The following BEND7 variants were observed in gnomAD, a reference collection of about 807,000 sequenced individuals.
BEND7 encodes BEN domain containing 7.
BEND7 carries 28 observed loss-of-function variants against 50.9 expected under a neutral mutation model. The ratio of observed to expected loss-of-function variants is 0.55; its 90% CI spans 0.41 to 0.75. BEND7 has a LOEUF of 0.75. BEND7 is among the 30% of genes least tolerant of loss of function. The pLI, the probability that BEND7 is intolerant of heterozygous loss-of-function variation, is 0.00. For synonymous variants in BEND7, 170 were observed against 183.9 expected, an observed-to-expected ratio of 0.92 and a Z score of 0.61; for missense variants, 477 against 491.3, an observed-to-expected ratio of 0.97 and a Z score of 0.28.
At chr10:13,493,450 C>T (rs974561463) in intron 4 of BEND7, among the ~76,000 whole-genome samples, 6 of 152,174 alleles carry the variant, frequency 3.9e-5, no homozygotes, top group Non-Finnish European at 8.8e-5. Context: ...TTAATTAGGA[C>T]CAGTGAATCC....
intron 2 of BEND7, among the ~76,000 whole-genome samples, chr10:13,515,746 G>T (rs567276014): frequency 6.6e-6 from 1 of 152,180 alleles, no homozygotes; most frequent in African/African-American, 2.4e-5. Flanking sequence ...GACAATGGAC[G>T]AGGGTGGTGT....
intron 6 of BEND7, among the ~76,000 whole-genome samples, chr10:13,469,750 C>T (rs1198080740): frequency 1.3e-5 from 2 of 152,212 alleles, no homozygotes; most frequent in African/African-American, 4.8e-5. Context: ...GCTGGGATTA[C>T]AGGCATGAGC....
At position 13,528,640 on chromosome 10, in the gene BEND7, C is replaced by T; in HGVS notation, c.-107G>A. On this transcript the variant is annotated 5_prime_UTR_variant, in exon 1 of 9. Coordinates refer to ENST00000466271, the MANE Select transcript of BEND7 (RefSeq NM_001369863.1). ...CGGGCTCGTGTCACCGCGGCGGAGCCGCCGGGACCAAGGTCCGCGCCTGGA... is the reference window on the plus strand; with the variant it reads ...CGGGCTCGTGTCACCGCGGCGGAGCTGCCGGGACCAAGGTCCGCGCCTGGA... The T allele has an allele frequency of 1.9e-6, 1 of 534,056 alleles. No homozygotes were observed. Among genetic ancestry groups the T allele is most frequent in the Non-Finnish European group, 2.4e-6 (1 of 419,846 alleles). The allele number at this position is 534,056 out of a possible 1,614,324, so 33.1% of individuals were successfully genotyped here. A position where few individuals can be genotyped will look rare whatever the true frequency, so the allele number is the denominator to read the frequency against.
chr10:13,511,671 G>A (rs2078282858), intron 2 of BEND7, among the ~76,000 whole-genome samples: 1 of 152,200 alleles, frequency 6.6e-6, no homozygotes, highest in South Asian at 2.1e-4. Flanking sequence ...GAATTTGGAT[G>A]TATTTAAGGG....
intron 3 of BEND7, among the ~76,000 whole-genome samples, chr10:13,497,401 T>C (rs988090021): frequency 6.6e-6 from 1 of 152,204 alleles, no homozygotes; most frequent in African/African-American, 2.4e-5. Flanking sequence ...CATGAAAACT[T>C]TTAGAATACT....
intron 8 of BEND7, chr10:13,444,500 T>C (rs1835873718): frequency 6.6e-6 from 1 of 152,224 alleles, no homozygotes; most frequent in African/African-American, 2.4e-5. Flanking sequence ...AATAAAAGCA[T>C]TGTTGAATCT....
chr10:13,450,278 C>G (rs1431170143), intron 7 of BEND7, among the ~76,000 whole-genome samples: 1 of 152,050 alleles, frequency 6.6e-6, no homozygotes, highest in East Asian at 1.9e-4. Context: ...AGGAATGGAG[C>G]CAGATATGAC....
chr10:13,440,516 C>G (rs1835185783), downstream of BEND7, among the ~76,000 whole-genome samples: 1 of 152,260 alleles, frequency 6.6e-6, no homozygotes, highest in South Asian at 2.1e-4. Flanking sequence ...CCCTGTAAAA[C>G]CAGGGGCCCA....
chr10:13,485,084 T>C (rs187735724), intron 5 of BEND7, among the ~76,000 whole-genome samples: 1 of 152,264 alleles, frequency 6.6e-6, no homozygotes, highest in African/African-American at 2.4e-5. Flanking sequence ...TAAATGAAGA[T>C]GCGCCTTCCC....
chr10:13,522,420 G>T (rs1001391255), intron 2 of BEND7, among the ~76,000 whole-genome samples: 1 of 152,152 alleles, frequency 6.6e-6, no homozygotes, highest in Non-Finnish European at 1.5e-5. Context: ...TCTGCTATTC[G>T]TGAGGTCAGG....
At chr10:13,519,638 A>G (rs371156934) in intron 2 of BEND7, among the ~76,000 whole-genome samples, 344 of 152,360 alleles carry the variant, frequency 2.3e-3, no homozygotes, top group African/African-American at 7.8e-3. Context: ...TTATTCTTCT[A>G]TTACAGAAGA....
chr10:13,441,453 C>G lies in BEND7; in HGVS notation c.*290G>C. ...GTGTAGATCCGTTCATCGCACACAT[C>G]TTTGGGTTGAACAAGCTCCACCCGT... On this transcript the variant is annotated 3_prime_UTR_variant, in exon 9 of 9. Coordinates refer to ENST00000466271, the MANE Select transcript of BEND7 (RefSeq NM_001369863.1). 1.6e-6 allele frequency: 2 copies of G among 1,283,484 alleles called. No homozygotes were observed. The highest frequency in any genetic ancestry group is 2.0e-6 in the Non-Finnish European group (2 of 1,016,636). The allele number at this position is 1,283,484 out of a possible 1,614,324, so 79.5% of individuals were successfully genotyped here.
chr10:13,513,905 C>T (rs568489798), intron 2 of BEND7, among the ~76,000 whole-genome samples: 10 of 152,152 alleles, frequency 6.6e-5, no homozygotes, highest in African/African-American at 2.4e-4. Context: ...ACCACTGGGG[C>T]AACTTTTAAA....
In BEND7 at chr10:13,450,725, T is replaced by C. The variant is rs531238831; in HGVS notation, c.1183+1814A>G. ...AAGTTACAATGTCCAACATCAAATA[T>C]TCTGATGTCTAAGGGGCAGGAGCGG... On this transcript the variant is annotated intron_variant, in intron 7 of 8. Transcript: ENST00000466271. Among the ~76,000 whole-genome samples the C allele has an allele frequency of 5.3e-5, 8 of 152,154 alleles. 1 individual carries two copies. Among genetic ancestry groups the C allele is most frequent in the African/African-American group, 9.6e-5 (4 of 41,504 alleles).
intron 2 of BEND7, among the ~76,000 whole-genome samples, chr10:13,525,194 C>T (rs2079369153): frequency 6.6e-6 from 1 of 152,214 alleles, no homozygotes; most frequent in Non-Finnish European, 1.5e-5. Flanking sequence ...AAGGTTGAGG[C>T]CCAACGCCAC....
At chr10:13,461,950 T>C (rs1840302226) in intron 6 of BEND7, among the ~76,000 whole-genome samples, 3 of 151,984 alleles carry the variant, frequency 2.0e-5, no homozygotes, top group Admixed American at 1.3e-4. Flanking sequence ...ACAGGCCTGC[T>C]AGAGATGAGC....
intron 6 of BEND7, among the ~76,000 whole-genome samples, chr10:13,453,818 A>C (rs913093723): frequency 6.6e-6 from 1 of 152,260 alleles, no homozygotes; most frequent in South Asian, 2.1e-4. Flanking sequence ...CTATTAGTGC[A>C]AACAGGGAAA....
intron 2 of BEND7, among the ~76,000 whole-genome samples, chr10:13,519,569 C>T (rs1212536981): frequency 6.6e-6 from 1 of 152,076 alleles, no homozygotes; most frequent in Non-Finnish European, 1.5e-5. Context: ...ACAGTGTTTT[C>T]CAGTTTGAAA....
intron 2 of BEND7, chr10:13,503,028 C>T: frequency 1.5e-6 from 1 of 670,192 alleles, no homozygotes; most frequent in Non-Finnish European, 1.8e-6. Flanking sequence ...ATTCTGGAAC[C>T]TTCTGAGGGC....
Sources: gnomAD v4.1 joint callset for allele counts (sites outside exome capture counted in the v4.1 genomes callset) on GRCh38, gnomAD v4.1.1 for gene constraint, MANE v1.5 for transcripts, NCBI Gene and HGNC (gene_info 2026-07-23, HGNC 2026-07-21) for gene names.